The following TMEM67 variants were observed in gnomAD, a reference collection of about 807,000 sequenced individuals.
TMEM67 encodes the protein meckelin.
Under a neutral mutation model 136.6 loss-of-function variants are expected in TMEM67, and 124 were observed. That is an observed-to-expected ratio of 0.91 (90% CI 0.78 to 1.05). The LOEUF (loss-of-function observed/expected upper bound fraction) is 1.05, where lower values mean the gene tolerates loss of function less well. Among genes scored for constraint, TMEM67 ranks in the 50% least tolerant of loss-of-function variants. The probability of loss-of-function intolerance (pLI) is 0.00; values close to 1 mark genes in which losing one functional copy is unlikely to be tolerated. For missense variants in TMEM67, 1,107 were observed against 1,178.4 expected (o/e 0.94, Z 0.89); for synonymous variants, 364 against 390.5 (o/e 0.93, Z 0.80).
chr8:93,776,610 T>C (rs60468796), intron 7 of TMEM67, among the ~76,000 whole-genome samples: 2,783 of 152,234 alleles, frequency 0.018, 85 homozygotes, highest in African/African-American at 0.061. Context: ...TTGAGGTAAT[T>C]ATGTGGTTTT....
At chr8:93,829,116 T>C in the TMEM67 span, among the ~76,000 whole-genome samples, 5 of 152,186 alleles carry the variant, frequency 3.3e-5, no homozygotes, top group African/African-American at 1.2e-4. Context: ...GCTGAGTTGT[T>C]GGTCAGGATG....
At position 93,787,858 on chromosome 8, in the gene TMEM67, C is replaced by G; in HGVS notation, c.1427C>G (p.Pro476Arg). The G allele has an allele frequency of 6.2e-7, 1 of 1,613,314 alleles. No homozygotes were observed. ...CTTTTAAATAGTGTCCACCTTGTAC[C>G]CAACACAATAAATGGAAACATCTAC... ...TQISLSVHLV[P>R]NTINGNIYPP... Residue 476 changes from proline to arginine, a missense_variant, in exon 14 of 28, where the codon CCC (proline) becomes CGC (arginine). This residue lies in a region of TMEM67 where 925 missense variants were observed against 1,002.4 expected (regional missense o/e 0.92). Transcript: ENST00000453321.
chr8:93,767,552 A>C (rs1813130541), intron 6 of TMEM67, among the ~76,000 whole-genome samples: 1 of 152,216 alleles, frequency 6.6e-6, no homozygotes, highest in Non-Finnish European at 1.5e-5. Flanking sequence ...GTAAGGAAGA[A>C]CTATCTCTTC....
At position 93,804,055 on chromosome 8, in the gene TMEM67, AT is replaced by A. The variant is rs895978525; in HGVS notation, c.2322+376del. 9.7e-5 allele frequency among the ~76,000 whole-genome samples: 14 copies of A among 144,376 alleles called. No individual in the cohort carries two copies. In the South Asian group the frequency reaches 1.3e-3, roughly 14 times the overall value. 94.7% of individuals were successfully genotyped at this position (144,376 alleles called of 152,430 possible). On this transcript the variant is annotated intron_variant, in intron 22 of 27. Coordinates refer to ENST00000453321, the MANE Select transcript of TMEM67 (RefSeq NM_153704.6). ...ATGCTGGGCTAATTTTTTTTTTTGT[AT>A]TTTTGGTATAGATGGGGTTTCCCCA...
At chr8:93,774,025 A>C (rs925000311) in intron 7 of TMEM67, among the ~76,000 whole-genome samples, 2 of 147,758 alleles carry the variant, frequency 1.4e-5, no homozygotes, top group African/African-American at 4.9e-5. Flanking sequence ...GTTAAAAAAA[A>C]TTTTTTTTTT....
Position 93,803,540 on chromosome 8 carries a change from G to A in TMEM67, c.2242-64G>A, listed in dbSNP as rs1814959248. ...CTTTTTTTTCTTAAGATGCTACACT[G>A]TGGCTGTAAAAGAAAATTAAAATCC... On this transcript the variant is annotated intron_variant, in intron 21 of 27. Transcript: ENST00000453321. The A allele has an allele frequency of 5.6e-6, 6 of 1,069,806 alleles. No homozygotes were observed. In the East Asian group the frequency reaches 1.2e-4, roughly 21 times the overall value. 66.3% of individuals were successfully genotyped at this position (1,069,806 alleles called of 1,614,324 possible).
intron 6 of TMEM67, among the ~76,000 whole-genome samples, chr8:93,770,301 T>A (rs1321265251): frequency 6.6e-6 from 1 of 152,178 alleles, no homozygotes; most frequent in Non-Finnish European, 1.5e-5. Context: ...ATAATGACAT[T>A]GCACTCCAAA....
the TMEM67 span, among the ~76,000 whole-genome samples, chr8:93,831,698 G>A: frequency 1.9e-4 from 29 of 152,162 alleles, no homozygotes; most frequent in African/African-American, 5.5e-4. Flanking sequence ...GTGTGTGTGT[G>A]TGTTTGTGCT....
intron 7 of TMEM67, among the ~76,000 whole-genome samples, chr8:93,780,030 C>A (rs1813740533): frequency 6.6e-6 from 1 of 152,280 alleles, no homozygotes; most frequent in South Asian, 2.1e-4. Context: ...TGGGCTCCAC[C>A]CAGTTGGAGC....
At chr8:93,809,642 T>C (rs1808616829) in intron 25 of TMEM67, 143 bp from the exon 26 acceptor site, 5 of 610,710 alleles carry the variant, frequency 8.2e-6, no homozygotes, top group East Asian at 5.7e-5. Flanking sequence ...TAGGTTTCAA[T>C]GTAGTAACTT....
chr8:93,793,306 C>G lies in TMEM67; in HGVS notation c.1674+10C>G. ...CATGATTGATTTACAGGTATAATCT[C>G]AGGAGTTTTTTAAGAATATTTTTAT... On this transcript the variant is annotated intron_variant, in intron 16 of 27. Coordinates refer to ENST00000453321, the MANE Select transcript of TMEM67 (RefSeq NM_153704.6). 6.3e-7 allele frequency: 1 copy of G among 1,599,832 alleles called. No individual in the cohort carries two copies. The highest frequency in any genetic ancestry group is 1.3e-5 in the African/African-American group (1 of 74,678).
intron 22 of TMEM67, among the ~76,000 whole-genome samples, chr8:93,804,319 T>C (rs1235638969): frequency 2.2e-5 from 3 of 134,506 alleles, no homozygotes; most frequent in African/African-American, 9.2e-5. Flanking sequence ...TCTTTTTTTT[T>C]TTTTTTTTTT....
chr8:93,822,484 A>G (rs530253457), downstream of TMEM67, among the ~76,000 whole-genome samples: 2 of 152,344 alleles, frequency 1.3e-5, no homozygotes, highest in South Asian at 2.1e-4. Flanking sequence ...GACCAAACCC[A>G]TGGCTGACAG....
At chr8:93,771,598 A>C (rs544901973) in intron 6 of TMEM67, among the ~76,000 whole-genome samples, 11 of 152,332 alleles carry the variant, frequency 7.2e-5, no homozygotes, top group Middle Eastern at 3.4e-3. Flanking sequence ...TTTCCCATTT[A>C]GAGGGATTAT....
chr8:93,776,994 G>A (rs1167036103), intron 7 of TMEM67, among the ~76,000 whole-genome samples: 1 of 152,084 alleles, frequency 6.6e-6, no homozygotes, highest in African/African-American at 2.4e-5. Context: ...ACTTTTTTTG[G>A]TTGGTAGGCT....
chr8:93,754,906 G>T lies in TMEM67; in HGVS notation c.-9G>T. The T allele has an allele frequency of 1.2e-6, 2 of 1,613,100 alleles. No individual in the cohort carries two copies. Among genetic ancestry groups the T allele is most frequent in the Non-Finnish European group, 1.7e-6 (2 of 1,179,740 alleles). On this transcript the variant is annotated 5_prime_UTR_variant, in exon 1 of 28. Coordinates refer to ENST00000453321, the MANE Select transcript of TMEM67 (RefSeq NM_153704.6). ...GGCTGGAGGCTGTGAGGCTTCCAGC[G>T]TCGGTACCATGGCGACGCGCGGTGG...
chr8:93,766,945 A>G (rs749846470), intron 6 of TMEM67, among the ~76,000 whole-genome samples: 1 of 152,198 alleles, frequency 6.6e-6, no homozygotes, highest in Non-Finnish European at 1.5e-5. Flanking sequence ...GAATATCTGT[A>G]TATGATTATT....
downstream of TMEM67, among the ~76,000 whole-genome samples, chr8:93,820,554 G>C (rs1412475274): frequency 6.6e-6 from 1 of 152,172 alleles, no homozygotes; most frequent in Non-Finnish European, 1.5e-5. Flanking sequence ...ATTGGCCTGT[G>C]TTCAAGTCCC....
intron 11 of TMEM67, among the ~76,000 whole-genome samples, chr8:93,783,517 A>T (rs1299941320): frequency 2.0e-5 from 3 of 152,114 alleles, no homozygotes; most frequent in Admixed American, 1.3e-4. Context: ...TCCTTCTCTG[A>T]CTTTCCTTAC....
Sources: gnomAD v4.1 joint callset for allele counts (sites outside exome capture counted in the v4.1 genomes callset) on GRCh38, gnomAD v4.1.1 for gene constraint, gnomAD v4.1.1 regional missense constraint, MANE v1.5 for transcripts, NCBI Gene and HGNC (gene_info 2026-07-23, HGNC 2026-07-21) for gene names.